The following ABR variants were observed in gnomAD, a reference collection of about 807,000 sequenced individuals.
ABR encodes the protein active breakpoint cluster region-related protein.
In ABR, 35 loss-of-function variants were observed where a neutral mutation model predicts 107.2. The ratio of observed to expected loss-of-function variants is 0.33; its 90% CI spans 0.25 to 0.43. The LOEUF (loss-of-function observed/expected upper bound fraction) is 0.43. ABR is among the 20% of genes least tolerant of loss of function. The probability of loss-of-function intolerance (pLI) is 1.00; values close to 1 mark genes in which losing one functional copy is unlikely to be tolerated. For synonymous variants in ABR, 498 were observed against 462.0 expected, an observed-to-expected ratio of 1.08 and a Z score of -1.00; for missense variants, 815 against 1,115.2, an observed-to-expected ratio of 0.73 and a Z score of 3.83.
At chr17:1,068,927 G>A (rs963072212) in intron 9 of ABR, among the ~76,000 whole-genome samples, 14 of 152,216 alleles carry the variant, frequency 9.2e-5, no homozygotes, top group Admixed American at 3.3e-4. Flanking sequence ...CATGTGTCAC[G>A]GCACCTGGCA....
intron 16 of ABR, among the ~76,000 whole-genome samples, chr17:1,031,403 G>C (rs1049934673): frequency 1.3e-5 from 2 of 152,132 alleles, no homozygotes; most frequent in African/African-American, 4.8e-5. Context: ...GCCAGGGTCC[G>C]GGTGGGGGCG....
intron 16 of ABR, chr17:1,031,524 AGC>A: frequency 6.6e-6 from 1 of 151,410 alleles, no homozygotes; most frequent in East Asian, 1.6e-4. Context: ...CAGCCCCCGC[AGC>A]CCCCGCAGCC....
intron 16 of ABR, among the ~76,000 whole-genome samples, chr17:1,017,369 C>A (rs922155543): frequency 6.6e-6 from 1 of 152,114 alleles, no homozygotes; most frequent in Middle Eastern, 3.4e-3. Flanking sequence ...CCAGCTCTGT[C>A]CCCCAGCAGT....
In ABR at chr17:1,084,401, A is replaced by C. The variant is rs1402784673; in HGVS notation, c.532-774T>G. Among the ~76,000 whole-genome samples, 1 of 152,134 alleles carries C rather than the reference A, an allele frequency of 6.6e-6. No homozygotes were observed. Among genetic ancestry groups the C allele is most frequent in the Non-Finnish European group, 1.5e-5 (1 of 68,002 alleles). ...CAAAAAGAAAACAAAACAACAAATG[A>C]AGATGCTGTCTTTCCATTTCCCTTG... On this transcript the variant is annotated intron_variant, in intron 4 of 22. Transcript: ENST00000302538. The surrounding 1 kb of genome is among the most constrained non-coding windows in gnomAD (Gnocchi z 4.2).
intron 16 of ABR, among the ~76,000 whole-genome samples, chr17:1,029,709 A>G (rs2150897872): frequency 6.6e-6 from 1 of 152,292 alleles, no homozygotes; most frequent in Non-Finnish European, 1.5e-5. Context: ...CTGAGGATAG[A>G]AAGCAAGAGG....
chr17:1,080,152 G>A (rs529654255), intron 5 of ABR, among the ~76,000 whole-genome samples: 45 of 152,236 alleles, frequency 3.0e-4, no homozygotes, highest in African/African-American at 9.9e-4. Flanking sequence ...GTGGACCTTC[G>A]GCAGAGATGC....
rs914020020 is a variant in ABR at position 1,037,223 on chromosome 17, C to T, written c.1791+12827G>A. 2.0e-5 allele frequency among the ~76,000 whole-genome samples: 3 copies of T among 152,228 alleles called. No individual in the cohort carries two copies. Among genetic ancestry groups the T allele is most frequent in the Non-Finnish European group, 2.9e-5 (2 of 68,046 alleles). Reference sequence around the variant, plus strand: ...AGTCAGGATGAAATCAGTTGCTCTACGGCCCAGACCTAGGCCTGCCCAAGG... The same window carrying T: ...AGTCAGGATGAAATCAGTTGCTCTATGGCCCAGACCTAGGCCTGCCCAAGG... On this transcript the variant is annotated intron_variant, in intron 16 of 22. Coordinates refer to ENST00000302538, the MANE Select transcript of ABR (RefSeq NM_021962.5). This position sits in a 1 kb window ranked among gnomAD's most constrained non-coding sequence, Gnocchi z 4.6.
intron 2 of ABR, among the ~76,000 whole-genome samples, chr17:1,112,916 A>G (rs1410159130): frequency 8.2e-6 from 1 of 122,096 alleles, no homozygotes; most frequent in East Asian, 2.6e-4. Context: ...ATCAGCAAGC[A>G]TTTGTTAACG....
intron 1 of ABR, among the ~76,000 whole-genome samples, chr17:1,208,583 G>C (rs565505518): frequency 6.6e-6 from 1 of 152,134 alleles, no homozygotes; most frequent in African/African-American, 2.4e-5. Context: ...ACTCTGTAAG[G>C]GAGAGGTTCA....
rs185124479 is a variant in ABR at position 1,196,989 on chromosome 17, C to T, written c.838+31804G>A. 9.6e-4 allele frequency among the ~76,000 whole-genome samples: 145 copies of T among 151,590 alleles called. 5 individuals are homozygous for T. The highest frequency in any genetic ancestry group is 3.4e-3 in the African/African-American group (141 of 40,924). On this transcript the variant is annotated intron_variant, in intron 1 of 22. Coordinates refer to the ABR transcript ENST00000574139. Reference sequence around the variant, plus strand: ...GATGACAGGCGTGAGCCACCGCACCCGGCCAAGATCCGCCTTCCTAAGGAA... The same window carrying T: ...GATGACAGGCGTGAGCCACCGCACCTGGCCAAGATCCGCCTTCCTAAGGAA...
At chr17:1,069,900 C>A (rs1415439540) in intron 9 of ABR, 69 bp downstream of exon 9, 29 of 664,054 alleles carry the variant, frequency 4.4e-5, no homozygotes, top group African/African-American at 7.6e-5. Flanking sequence ...CCGCCCCGGA[C>A]TCGCACACTC....
intron 1 of ABR, among the ~76,000 whole-genome samples, chr17:1,134,032 C>A (rs989488204): frequency 6.6e-6 from 1 of 152,204 alleles, no homozygotes; most frequent in African/African-American, 2.4e-5. Flanking sequence ...GTCATCCCAG[C>A]AATTTGGGAG....
chr17:1,078,502 G>A lies in ABR; in HGVS notation c.700+828C>T, dbSNP rs1432686411. Among the ~76,000 whole-genome samples, 1 of 152,112 alleles carries A rather than the reference G, an allele frequency of 6.6e-6. No individual in the cohort carries two copies. Among genetic ancestry groups the A allele is most frequent in the African/African-American group, 2.4e-5 (1 of 41,510 alleles). On this transcript the variant is annotated intron_variant, in intron 6 of 22. Coordinates refer to ENST00000302538, the MANE Select transcript of ABR (RefSeq NM_021962.5). This position sits in a 1 kb window ranked among gnomAD's most constrained non-coding sequence, Gnocchi z 7.5. ...GCTACTACGTCTGCGGGCACAGCTCGTCGCCGTCTCTCCCTAACAGCCCCT... is the reference window on the plus strand; with the variant it reads ...GCTACTACGTCTGCGGGCACAGCTCATCGCCGTCTCTCCCTAACAGCCCCT...
At position 1,143,878 on chromosome 17, in the gene ABR, T is replaced by C. The variant is rs184101601; in HGVS notation, c.62-18511A>G. 6.8e-4 allele frequency among the ~76,000 whole-genome samples: 103 copies of C among 152,244 alleles called. No homozygotes were observed. The Middle Eastern group carries it at 0.01, about 15-fold the overall frequency. On this transcript the variant is annotated intron_variant, in intron 1 of 22. Transcript: ENST00000302538. ...ATGTGGCTTCACCAGTCTCCAGCTCTTGGGGATGGATGGGACATGCTGAGT... is the reference window on the plus strand; with the variant it reads ...ATGTGGCTTCACCAGTCTCCAGCTCCTGGGGATGGATGGGACATGCTGAGT...
chr17:1,200,611 CCGTTA>C lies in ABR; in HGVS notation c.838+28177_838+28181del, dbSNP rs1424922961. Among the ~76,000 whole-genome samples, 1 of 151,970 alleles carries C rather than the reference CCGTTA, an allele frequency of 6.6e-6. No individual in the cohort carries two copies. The highest frequency in any genetic ancestry group is 1.5e-5 in the Non-Finnish European group (1 of 68,016). On this transcript the variant is annotated intron_variant, in intron 1 of 22. Transcript: ENST00000574139. The surrounding 1 kb of genome is among the most constrained non-coding windows in gnomAD (Gnocchi z 4.1). The stretch of plus-strand genomic sequence containing the variant: ...TCCAGCTTCATTTTCTCCCCTCCTC[CCGTTA>C]CATCAAGCAGAACAAGTTTCACCTA...
intron 4 of ABR, among the ~76,000 whole-genome samples, chr17:1,087,388 A>T (rs1262502557): frequency 6.6e-6 from 1 of 152,002 alleles, no homozygotes; most frequent in East Asian, 1.9e-4. Context: ...GAGCCCTTTG[A>T]GGAAGCTGGT....
Position 1,070,596 on chromosome 17 carries a change from G to A in ABR, c.895-506C>T, listed in dbSNP as rs1449655720. Among the ~76,000 whole-genome samples the A allele has an allele frequency of 2.6e-5, 4 of 151,854 alleles. No homozygotes were observed. Among genetic ancestry groups the A allele is most frequent in the Non-Finnish European group, 5.9e-5 (4 of 67,956 alleles). On this transcript the variant is annotated intron_variant, in intron 8 of 22. Transcript: ENST00000302538. This position sits in a 1 kb window ranked among gnomAD's most constrained non-coding sequence, Gnocchi z 4.2. ...GACCCGAGACCCGAGACCCACTCAGGCCTGTCTGTGCTACTCCTCCCTGGC... is the reference window on the plus strand; with the variant it reads ...GACCCGAGACCCGAGACCCACTCAGACCTGTCTGTGCTACTCCTCCCTGGC...
chr17:1,206,061 A>C (rs2042783005), intron 1 of ABR, among the ~76,000 whole-genome samples: 1 of 152,186 alleles, frequency 6.6e-6, no homozygotes, highest in South Asian at 2.1e-4. Context: ...GGTTGCAGTG[A>C]GCTGAGATCG....
At chr17:1,069,446 C>T (rs891160746) in intron 9 of ABR, among the ~76,000 whole-genome samples, 2 of 152,086 alleles carry the variant, frequency 1.3e-5, no homozygotes, top group Non-Finnish European at 2.9e-5. Flanking sequence ...GGCAGATCAC[C>T]TGAGGTTGGG....
Sources: allele counts gnomAD v4.1 joint callset (sites outside exome capture counted in the v4.1 genomes callset), GRCh38; gene constraint gnomAD v4.1.1; non-coding constraint Gnocchi (gnomAD v3.1); transcripts MANE v1.5; gene names NCBI Gene and HGNC (gene_info 2026-07-23, HGNC 2026-07-21).